TNFAIP8: variants seen among roughly 807,000 people sequenced by gnomAD.
TNFAIP8 encodes TNF alpha induced protein 8.
TNFAIP8 carries 7 observed loss-of-function variants against 13.3 expected under a neutral mutation model. The ratio of observed to expected loss-of-function variants is 0.52; its 90% CI spans 0.30 to 0.99. The LOEUF is 0.99. Among genes scored for constraint, TNFAIP8 ranks in the 50% least tolerant of loss-of-function variants. The pLI, the probability that TNFAIP8 is intolerant of heterozygous loss-of-function variation, is 0.07. For missense variants in TNFAIP8, 258 were observed against 236.9 expected, an observed-to-expected ratio of 1.09 and a Z score of -0.58; for synonymous variants, 94 against 87.6, an observed-to-expected ratio of 1.07 and a Z score of -0.41.
At chr5:119,322,338 C>T (rs1203104367) in intron 1 of TNFAIP8, among the ~76,000 whole-genome samples, 2 of 152,056 alleles carry the variant, frequency 1.3e-5, no homozygotes, top group African/African-American at 4.8e-5. Flanking sequence ...AAGTGCTACT[C>T]CTTGAGGAGT....
At chr5:119,343,686 A>C (rs1750810424) in intron 1 of TNFAIP8, among the ~76,000 whole-genome samples, 1 of 152,224 alleles carries the variant, frequency 6.6e-6, no homozygotes, top group East Asian at 1.9e-4. Context: ...CCTCAAAGAC[A>C]ACTAACATCA....
chr5:119,279,895 C>T (rs545482846), intron 1 of TNFAIP8, among the ~76,000 whole-genome samples: 1 of 152,230 alleles, frequency 6.6e-6, no homozygotes, highest in South Asian at 2.1e-4. Flanking sequence ...GTGAAAAGTT[C>T]ATTGAAACAG....
chr5:119,393,447 G>A lies in TNFAIP8; in HGVS notation c.*66G>A. 1 of 1,404,728 alleles carries A rather than the reference G, an allele frequency of 7.1e-7. No individual in the cohort carries two copies. Among genetic ancestry groups the A allele is most frequent in the Non-Finnish European group, 9.6e-7 (1 of 1,037,152 alleles). The allele number at this position is 1,404,728 out of a possible 1,614,324, so 87.0% of individuals were successfully genotyped here. A position where few individuals can be genotyped will look rare whatever the true frequency, so the allele number is the denominator to read the frequency against. ...AGATGGAGCACTGCTGATTTATGAAGGAAAAAAGAAGAATTTTCTAAAGAT... is the reference window on the plus strand; with the variant it reads ...AGATGGAGCACTGCTGATTTATGAAAGAAAAAAGAAGAATTTTCTAAAGAT... On this transcript the variant is annotated 3_prime_UTR_variant, in exon 2 of 2. Coordinates refer to ENST00000504771, the MANE Select transcript of TNFAIP8 (RefSeq NM_014350.4).
At chr5:119,332,908 C>T (rs1399008724) in intron 1 of TNFAIP8, among the ~76,000 whole-genome samples, 2 of 152,208 alleles carry the variant, frequency 1.3e-5, no homozygotes, top group African/African-American at 4.8e-5. Flanking sequence ...CTTATATACT[C>T]TTCCAAAGCA....
intron 1 of TNFAIP8, among the ~76,000 whole-genome samples, chr5:119,273,752 A>C (rs1035363770): frequency 6.6e-6 from 1 of 152,172 alleles, no homozygotes; most frequent in Admixed American, 6.5e-5. Flanking sequence ...GCATGTCTTC[A>C]GGGGAAGTTG....
In TNFAIP8 at chr5:119,398,253, C is replaced by T. The variant is rs527453296; in HGVS notation, c.*4872C>T. The T allele has an allele frequency of 2.0e-5, 3 of 152,326 alleles. No homozygotes were observed. Among genetic ancestry groups the T allele is most frequent in the Admixed American group, 6.5e-5 (1 of 15,300 alleles). The allele number at this position is 152,326 out of a possible 1,614,324, so 9.4% of individuals were successfully genotyped here. ...CGTGGAAATAAAGTAGATGATCAGG[C>T]ACTTGCGGTTTGTTCTTAATACAAG... On this transcript the variant is annotated 3_prime_UTR_variant, in exon 2 of 2. Coordinates refer to ENST00000504771, the MANE Select transcript of TNFAIP8 (RefSeq NM_014350.4).
intron 1 of TNFAIP8, among the ~76,000 whole-genome samples, chr5:119,341,083 CCTG>C (rs1750721456): frequency 7.2e-6 from 1 of 137,952 alleles, no homozygotes; most frequent in East Asian, 2.1e-4. Flanking sequence ...TTTTTGGTCT[CCTG>C]CTTTTTTTTT....
chr5:119,353,667 C>T (rs1256280628), upstream of TNFAIP8, among the ~76,000 whole-genome samples: 1 of 110,908 alleles, frequency 9.0e-6, no homozygotes, highest in East Asian at 2.2e-4. Context: ...TGACGGAGCG[C>T]TTGAACTATT....
chr5:119,334,139 CA>C lies in TNFAIP8; in HGVS notation c.2-58662del, dbSNP rs57346323. On this transcript the variant is annotated intron_variant, in intron 1 of 1. Coordinates refer to the TNFAIP8 transcript ENST00000274456. ...TGCTGTTGCCATTTTCTCTAACAAC[CA>C]AAAAAAAAAAAAAACGGTTTACCTT... is the stretch of plus-strand genomic sequence containing the variant. 8.3e-3 allele frequency among the ~76,000 whole-genome samples: 870 copies of C among 104,366 alleles called. 6 individuals carry two copies. Among genetic ancestry groups the C allele is most frequent in the Middle Eastern group, 0.027 (5 of 186 alleles). The allele number at this position is 104,366 out of a possible 152,430, so 68.5% of individuals were successfully genotyped here. A position where few individuals can be genotyped will look rare whatever the true frequency, so the allele number is the denominator to read the frequency against.
At chr5:119,308,874 A>G (rs1277767337) in intron 1 of TNFAIP8, among the ~76,000 whole-genome samples, 1 of 150,688 alleles carries the variant, frequency 6.6e-6, no homozygotes, top group Non-Finnish European at 1.5e-5. Flanking sequence ...AAAAAAAAAA[A>G]GACCATTCTG....
intron 1 of TNFAIP8, among the ~76,000 whole-genome samples, chr5:119,305,872 C>T (rs1465959749): frequency 6.6e-6 from 1 of 152,148 alleles, no homozygotes; most frequent in Non-Finnish European, 1.5e-5. Flanking sequence ...GGGTGAGCAA[C>T]ACTGCCCTAA....
chr5:119,384,169 C>T (rs1204227555), intron 1 of TNFAIP8, among the ~76,000 whole-genome samples: 1 of 152,062 alleles, frequency 6.6e-6, no homozygotes, highest in East Asian at 1.9e-4. Context: ...AACCTCCTTC[C>T]TAGGGTTGCC....
chr5:119,326,511 T>C (rs1750230940), intron 1 of TNFAIP8, among the ~76,000 whole-genome samples: 1 of 152,172 alleles, frequency 6.6e-6, no homozygotes, highest in African/African-American at 2.4e-5. Context: ...AGTCCTATGT[T>C]GACTCATGGA....
intron 1 of TNFAIP8, chr5:119,269,052 C>A: frequency 1.7e-6 from 1 of 584,494 alleles, no homozygotes; most frequent in South Asian, 2.0e-5. Flanking sequence ...TGCGTTTGAA[C>A]AACTTGTTTA....
At chr5:119,385,770 A>G (rs1580448279) in intron 1 of TNFAIP8, among the ~76,000 whole-genome samples, 1 of 152,328 alleles carries the variant, frequency 6.6e-6, no homozygotes, top group East Asian at 1.9e-4. Flanking sequence ...ACCAGAAGGA[A>G]TTAATTTTGG....
chr5:119,269,181 C>CAAT (rs1748193290), intron 1 of TNFAIP8, among the ~76,000 whole-genome samples: 1 of 152,220 alleles, frequency 6.6e-6, no homozygotes, highest in South Asian at 2.1e-4. Flanking sequence ...CTTACCTATT[C>CAAT]AGGGCGACCT....
chr5:119,314,562 A>G (rs1257440780), intron 1 of TNFAIP8, among the ~76,000 whole-genome samples: 1 of 152,218 alleles, frequency 6.6e-6, no homozygotes, highest in Admixed American at 6.5e-5. Context: ...TGTCCAACCC[A>G]AATCAGTAAG....
intron 1 of TNFAIP8, among the ~76,000 whole-genome samples, chr5:119,339,874 G>C (rs1384013825): frequency 6.6e-6 from 1 of 152,156 alleles, no homozygotes; most frequent in African/African-American, 2.4e-5. Context: ...CACCATATTT[G>C]ATTAATTATT....
intron 1 of TNFAIP8, among the ~76,000 whole-genome samples, chr5:119,362,338 A>G (rs549736566): frequency 6.6e-6 from 1 of 152,200 alleles, no homozygotes; most frequent in Non-Finnish European, 1.5e-5. Context: ...GTAGTGGTAC[A>G]TGGGGCCAGT....
Sources: gnomAD v4.1 joint callset for allele counts (sites outside exome capture counted in the v4.1 genomes callset) on GRCh38, gnomAD v4.1.1 for gene constraint, MANE v1.5 for transcripts, NCBI Gene and HGNC (gene_info 2026-07-23, HGNC 2026-07-21) for gene names.